The following LPXN variants were observed in gnomAD, a reference collection of about 807,000 sequenced individuals.
LPXN encodes leupaxin.
LPXN carries 28 observed loss-of-function variants against 45.6 expected under a neutral mutation model. That is an observed-to-expected ratio of 0.61 (90% CI 0.45 to 0.84). LPXN has a LOEUF of 0.84. Among genes scored for constraint, LPXN ranks in the 40% least tolerant of loss-of-function variants. The pLI, the probability that LPXN is intolerant of heterozygous loss-of-function variation, is 0.00. For missense variants in LPXN, 459 were observed against 475.0 expected (o/e 0.97, Z 0.31); for synonymous variants, 166 against 169.9 (o/e 0.98, Z 0.18).
chr11:58,532,761 C>A lies in LPXN; in HGVS notation c.743-4570G>T, dbSNP rs982867625. ...CCAATTAGCAAGATGTGGGTGGGGC[C>A]AGATAAGGGAATAAAAGCAGGCTGC... is the stretch of plus-strand genomic sequence containing the variant. On this transcript the variant is annotated intron_variant, in intron 7 of 8. Coordinates refer to ENST00000395074, the MANE Select transcript of LPXN (RefSeq NM_004811.3). Among the ~76,000 whole-genome samples, 3 of 152,266 alleles carry A rather than the reference C, an allele frequency of 2.0e-5. No individual in the cohort carries two copies. In the East Asian group the frequency reaches 5.8e-4, roughly 29 times the overall value.
At chr11:58,546,567 C>CA (rs1039943065) in intron 7 of LPXN, among the ~76,000 whole-genome samples, 1 of 152,110 alleles carries the variant, frequency 6.6e-6, no homozygotes, top group African/African-American at 2.4e-5. Flanking sequence ...ATAATTGACT[C>CA]AACAGAAAAG....
chr11:58,550,357 G>A (rs1472186197), intron 5 of LPXN, among the ~76,000 whole-genome samples: 3 of 152,176 alleles, frequency 2.0e-5, no homozygotes, highest in Non-Finnish European at 2.9e-5. Context: ...GCCCACTTCC[G>A]GGACTGATCA....
chr11:58,547,437 A>C (rs892849675), intron 7 of LPXN, among the ~76,000 whole-genome samples: 1 of 152,210 alleles, frequency 6.6e-6, no homozygotes, highest in African/African-American at 2.4e-5. Context: ...CAGGGAAAAA[A>C]GTCAGAGCTA....
At chr11:58,536,103 C>G (rs1050109230) in intron 7 of LPXN, among the ~76,000 whole-genome samples, 1 of 152,166 alleles carries the variant, frequency 6.6e-6, no homozygotes, top group African/African-American at 2.4e-5. Flanking sequence ...TTTATGCATT[C>G]AATGCTATCC....
upstream of LPXN, among the ~76,000 whole-genome samples, chr11:58,577,314 A>G (rs2134374227): frequency 6.6e-6 from 1 of 152,338 alleles, no homozygotes; most frequent in East Asian, 1.9e-4. Flanking sequence ...CCCTATGAAA[A>G]TGGAAAATAC....
At chr11:58,553,098 G>A (rs761586579) in intron 4 of LPXN, among the ~76,000 whole-genome samples, 2 of 152,050 alleles carry the variant, frequency 1.3e-5, no homozygotes, top group Non-Finnish European at 2.9e-5. Context: ...TACTTTGAGA[G>A]GCCGAGGCAG....
At chr11:58,545,232 G>T (rs1007207164) in intron 7 of LPXN, among the ~76,000 whole-genome samples, 1 of 152,078 alleles carries the variant, frequency 6.6e-6, no homozygotes, top group Non-Finnish European at 1.5e-5. Context: ...TTTAGAAGGG[G>T]CCTGAGTCAA....
In LPXN at chr11:58,564,169, C is replaced by T. The variant is rs767817463; in HGVS notation, c.204G>A (p.Glu68=). The T allele has an allele frequency of 1.1e-5, 18 of 1,599,434 alleles. No individual in the cohort carries two copies. In the East Asian group the frequency reaches 3.6e-4, roughly 32 times the overall value. The change falls in exon 3 of 9, where the codon GAG becomes GAA. Residue 68 remains glutamate (E), a synonymous_variant. Coordinates refer to ENST00000395074, the MANE Select transcript of LPXN (RefSeq NM_004811.3). ...AQLVYTTNIQ[E]LNVYSEAQEP... ...AAAAAAAATACCTGTAGACATTGAG[C>T]TCCTGGATATTGGTAGTATACACGA...
intron 7 of LPXN, among the ~76,000 whole-genome samples, chr11:58,540,078 T>TC (rs1274122216): frequency 6.6e-6 from 1 of 152,094 alleles, no homozygotes; most frequent in Admixed American, 6.6e-5. Context: ...ATTCTTGTCA[T>TC]CCAGACCCCC....
chr11:58,534,352 A>G (rs1192648895), intron 7 of LPXN, among the ~76,000 whole-genome samples: 1 of 152,232 alleles, frequency 6.6e-6, no homozygotes, highest in East Asian at 1.9e-4. Flanking sequence ...ATCAAATTAG[A>G]ACTCAGGAGT....
chr11:58,563,701 T>C (rs1428073761), intron 3 of LPXN, among the ~76,000 whole-genome samples: 1 of 152,190 alleles, frequency 6.6e-6, no homozygotes, highest in African/African-American at 2.4e-5. Context: ...CTATACAAAT[T>C]TTGAGCAAAT....
chr11:58,541,105 T>A (rs1183110663), intron 7 of LPXN, among the ~76,000 whole-genome samples: 3 of 152,088 alleles, frequency 2.0e-5, no homozygotes, highest in Admixed American at 1.3e-4. Context: ...AACCTAGGCA[T>A]TACCATTCAG....
intron 4 of LPXN, 93 bp from the exon 5 acceptor site, chr11:58,551,325 G>C (rs749659608): frequency 2.4e-4 from 256 of 1,076,358 alleles, no homozygotes; most frequent in Non-Finnish European, 2.9e-4. Flanking sequence ...TCTACTGACT[G>C]ATCTCTTGGC....
intron 7 of LPXN, among the ~76,000 whole-genome samples, chr11:58,549,195 A>G (rs932295693): frequency 3.3e-5 from 5 of 152,224 alleles, no homozygotes; most frequent in African/African-American, 1.2e-4. Context: ...GGAGTTCAAG[A>G]CCAGCCTGGC....
intron 7 of LPXN, among the ~76,000 whole-genome samples, chr11:58,548,919 C>T (rs1853953340): frequency 1.3e-5 from 2 of 152,124 alleles, no homozygotes; most frequent in Non-Finnish European, 2.9e-5. Flanking sequence ...ACACTTAATA[C>T]TGATCTAACC....
At chr11:58,550,217 T>A in intron 5 of LPXN, 71 bp from the exon 6 acceptor site, 3 of 1,399,940 alleles carry the variant, frequency 2.1e-6, no homozygotes, top group African/African-American at 1.4e-5. Context: ...TGCACAACTC[T>A]AGGGAGCACT....
intron 7 of LPXN, among the ~76,000 whole-genome samples, chr11:58,531,834 C>T (rs972954255): frequency 6.6e-6 from 1 of 152,256 alleles, no homozygotes; most frequent in African/African-American, 2.4e-5. Flanking sequence ...TTGGCCTCGG[C>T]ATCCACTCTG....
intron 7 of LPXN, among the ~76,000 whole-genome samples, chr11:58,532,832 G>T (rs183704159): frequency 1.3e-5 from 2 of 152,344 alleles, no homozygotes; most frequent in East Asian, 1.9e-4. Context: ...CCACACTGTA[G>T]AAGTTTTGTT....
chr11:58,575,784 C>CA lies in LPXN; in HGVS notation c.-13dup. ...CCTAACTCTTCCATTGTCCTACATC[C>CA]AAGATGCTCTTGTCTCACAGGCCGT... On this transcript the variant is annotated 5_prime_UTR_variant, in exon 1 of 9. The change abolishes the stop of an existing upstream ORF in the 5' untranslated region. Transcript: ENST00000395074. The CA allele has an allele frequency of 1.2e-6, 2 of 1,614,206 alleles. No homozygotes were observed. The highest frequency in any genetic ancestry group is 1.7e-6 in the Non-Finnish European group (2 of 1,180,028).
Sources: allele counts gnomAD v4.1 joint callset (sites outside exome capture counted in the v4.1 genomes callset), GRCh38; gene constraint gnomAD v4.1.1; transcripts MANE v1.5; gene names NCBI Gene and HGNC (gene_info 2026-07-23, HGNC 2026-07-21).